CPTP: variants seen among roughly 807,000 people sequenced by gnomAD.
CPTP encodes the protein ceramide-1-phosphate transfer protein, also known as GLTP domain-containing protein 1.
CPTP carries 5 observed loss-of-function variants against 5.7 expected under a neutral mutation model. The observed-to-expected ratio is 0.88, with a 90% CI of 0.46 to 1.86. The LOEUF (loss-of-function observed/expected upper bound fraction) is 1.86. CPTP is among the 40% of genes most tolerant of loss of function. CPTP has a pLI of 0.01. For missense variants in CPTP, 335 were observed against 306.5 expected (o/e 1.09, Z -0.69); for synonymous variants, 166 against 142.7 (o/e 1.16, Z -1.16).
In CPTP at chr1:1,327,784, A is replaced by G. The variant is rs745441969; in HGVS notation, c.*21A>G. ...CCTAGGGGCGGGAAGCCAGGGCCGC[A>G]CCGGCTTTCCTGCTGCAGATCTGGG... On this transcript the variant is annotated 3_prime_UTR_variant, in exon 3 of 3. Transcript: ENST00000343938. The G allele has an allele frequency of 1.0e-5, 16 of 1,607,034 alleles. No individual in the cohort carries two copies. The highest frequency in any genetic ancestry group is 1.4e-5 in the Non-Finnish European group (16 of 1,179,096).
chr1:1,325,924 C>T (rs1394084397), intron 1 of CPTP, among the ~76,000 whole-genome samples: 2 of 152,196 alleles, frequency 1.3e-5, no homozygotes, highest in Non-Finnish European at 2.9e-5. Flanking sequence ...TCTTCCTGGT[C>T]GAGGTGGAAT....
chr1:1,324,869 A>C lies in CPTP; in HGVS notation c.-309A>C. The C allele has an allele frequency of 2.2e-6, 1 of 449,984 alleles. No homozygotes were observed. The highest frequency in any genetic ancestry group is 3.9e-6 in the Non-Finnish European group (1 of 254,736). 27.9% of individuals were successfully genotyped at this position (449,984 alleles called of 1,614,324 possible). A position where few individuals can be genotyped will look rare whatever the true frequency, so the allele number is the denominator to read the frequency against. On this transcript the variant is annotated 5_prime_UTR_variant, in exon 1 of 3. Coordinates refer to ENST00000343938, the MANE Select transcript of CPTP (RefSeq NM_001029885.2). ...TCGGCGGCCGCACCTGCCCAACCCA[A>C]CCCGCACGGTCCGGAAGTCGCCGAG... is the stretch of plus-strand genomic sequence containing the variant.
chr1:1,326,959 T>A lies in CPTP; in HGVS notation c.49T>A (p.Phe17Ile). The change falls in exon 2 of 3, where the codon TTC becomes ATC. Residue 17 changes from phenylalanine (F) to isoleucine (I), a missense_variant. Physicochemically the swap from Phe to Ile is conservative, Grantham distance 21. Transcript: ENST00000343938. ...CAATCTGAAAGTCGTCCTGGTCAGT[T>A]TCAAGCAGTGTCTCGATGAGAAGGA... ...GFNLKVVLVS[F>I]KQCLDEKEEV... is the part of the protein sequence containing the mutation. 6.2e-7 allele frequency: 1 copy of A among 1,613,774 alleles called. No individual in the cohort carries two copies.
At chr1:1,326,380 T>C (rs1643304877) in intron 1 of CPTP, among the ~76,000 whole-genome samples, 1 of 151,550 alleles carries the variant, frequency 6.6e-6, no homozygotes, top group South Asian at 2.1e-4. Flanking sequence ...GAACTTCCTG[T>C]CTTTGTTGTC....
chr1:1,327,892 C>T lies in CPTP; in HGVS notation c.*129C>T, dbSNP rs544970534. The T allele has an allele frequency of 1.1e-4, 119 of 1,079,696 alleles. No homozygotes were observed. The highest frequency in any genetic ancestry group is 1.5e-4 in the Non-Finnish European group (116 of 748,412). The allele number at this position is 1,079,696 out of a possible 1,614,324, so 66.9% of individuals were successfully genotyped here. A position where few individuals can be genotyped will look rare whatever the true frequency, so the allele number is the denominator to read the frequency against. The stretch of plus-strand genomic sequence containing the variant: ...GGAGATCCTCTGTCGCCCCTGTGAG[C>T]TGAGCTGGTTAGGAACCACAGACTG... On this transcript the variant is annotated 3_prime_UTR_variant, in exon 3 of 3. Coordinates refer to ENST00000343938, the MANE Select transcript of CPTP (RefSeq NM_001029885.2).
intron 1 of CPTP, among the ~76,000 whole-genome samples, chr1:1,325,752 G>A (rs1012533669): frequency 6.6e-5 from 10 of 152,064 alleles, no homozygotes; most frequent in African/African-American, 2.2e-4. Context: ...TAGTGATGAA[G>A]GGCCCAGTCC....
Position 1,327,969 on chromosome 1 carries a change from A to C in CPTP, c.*206A>C. On this transcript the variant is annotated 3_prime_UTR_variant, in exon 3 of 3. Coordinates refer to ENST00000343938, the MANE Select transcript of CPTP (RefSeq NM_001029885.2). ...GAAGAGGCCCACCCTCTCGGTCCGG[A>C]ACAAGACGCCTCGGCCACGGCTCCC... 1 of 631,392 alleles carries C rather than the reference A, an allele frequency of 1.6e-6. No individual in the cohort carries two copies. Among genetic ancestry groups the C allele is most frequent in the East Asian group, 2.7e-5 (1 of 36,424 alleles). The allele number at this position is 631,392 out of a possible 1,614,324, so 39.1% of individuals were successfully genotyped here. A position where few individuals can be genotyped will look rare whatever the true frequency, so the allele number is the denominator to read the frequency against.
rs778646627 is a variant in CPTP, at chr1:1,328,030, G to A, written c.*267G>A. Reference sequence around the variant, plus strand: ...TTACACGCGTGCGCAGCCAGGCCTCGCCAGGGTGCGGTGCAGAGCAGAGCA... The same window carrying A: ...TTACACGCGTGCGCAGCCAGGCCTCACCAGGGTGCGGTGCAGAGCAGAGCA... On this transcript the variant is annotated 3_prime_UTR_variant, in exon 3 of 3. Transcript: ENST00000343938. The A allele has an allele frequency of 2.9e-5, 16 of 552,690 alleles. No individual in the cohort carries two copies. The highest frequency in any genetic ancestry group is 4.2e-5 in the Non-Finnish European group (13 of 310,462). The allele number at this position is 552,690 out of a possible 1,614,324, so 34.2% of individuals were successfully genotyped here.
In CPTP at chr1:1,327,784, A is replaced by C; in HGVS notation, c.*21A>C. On this transcript the variant is annotated 3_prime_UTR_variant, in exon 3 of 3. Coordinates refer to ENST00000343938, the MANE Select transcript of CPTP (RefSeq NM_001029885.2). ...CCTAGGGGCGGGAAGCCAGGGCCGC[A>C]CCGGCTTTCCTGCTGCAGATCTGGG... The C allele has an allele frequency of 1.9e-6, 3 of 1,607,152 alleles. No individual in the cohort carries two copies. Among genetic ancestry groups the C allele is most frequent in the Non-Finnish European group, 2.5e-6 (3 of 1,179,088 alleles).
chr1:1,326,115 TC>T (rs1255157286), intron 1 of CPTP, among the ~76,000 whole-genome samples: 1 of 152,194 alleles, frequency 6.6e-6, no homozygotes, highest in Non-Finnish European at 1.5e-5. Context: ...CGTGGAAGGC[TC>T]CCTAGGGCTA....
intron 2 of CPTP, 35 bp downstream of exon 2, chr1:1,327,067 C>A: frequency 1.2e-6 from 2 of 1,610,294 alleles, no homozygotes; most frequent in Non-Finnish European, 1.7e-6. Context: ...GAGGTGGGCG[C>A]TCCCCTGGCC....
At position 1,327,736 on chromosome 1, in the gene CPTP, C is replaced by T. The variant is rs763443213; in HGVS notation, c.618C>T (p.Ala206=). 1.8e-5 allele frequency: 29 copies of T among 1,612,298 alleles called. No homozygotes were observed. The highest frequency in any genetic ancestry group is 6.7e-5 in the African/African-American group (5 of 74,954). Residue 206 remains alanine, a synonymous_variant, in exon 3 of 3, where the codon GCC becomes GCT. Coordinates refer to ENST00000343938, the MANE Select transcript of CPTP (RefSeq NM_001029885.2). ...ACAACGTCTCCCAGAAGCTCTACGC[C>T]GAGCACTCCCTGCTGGACCTGCCCT... ...RVYNVSQKLY[A]EHSLLDLP is the part of the protein sequence containing the mutation.
Position 1,327,532 on chromosome 1 carries a change from C to T in CPTP, c.414C>T (p.Cys138=), listed in dbSNP as rs779066919. The change falls in exon 3 of 3, where the codon TGC becomes TGT. Residue 138 remains cysteine, a synonymous_variant. Transcript: ENST00000343938. ...SPEDARTSAL[C]ADSYNASLAA... ...AGGACGCACGCACCTCCGCGCTCTG[C>T]GCCGACTCCTACAACGCCTCGCTGG... The T allele has an allele frequency of 2.3e-5, 36 of 1,584,236 alleles. No homozygotes were observed. The highest frequency in any genetic ancestry group is 3.0e-5 in the Non-Finnish European group (35 of 1,167,674).
rs769624517 is a variant in CPTP, at chr1:1,327,545, A to G, written c.427A>G (p.Asn143Asp). 1.9e-6 allele frequency: 3 copies of G among 1,592,592 alleles called. No individual in the cohort carries two copies. The highest frequency in any genetic ancestry group is 2.6e-6 in the Non-Finnish European group (3 of 1,171,114). Reference protein sequence around the residue: ...RTSALCADSYNASLAAYHPWV... With the variant: ...RTSALCADSYDASLAAYHPWV... ...CTCCGCGCTCTGCGCCGACTCCTAC[A>G]ACGCCTCGCTGGCCGCCTACCACCC... Residue 143 changes from asparagine (N) to aspartate (D), a missense_variant, in exon 3 of 3, where the codon AAC becomes GAC. Coordinates refer to ENST00000343938, the MANE Select transcript of CPTP (RefSeq NM_001029885.2).
At position 1,327,027 on chromosome 1, in the gene CPTP, G is replaced by C. The variant is rs1478841403; in HGVS notation, c.117G>C (p.Leu39=). Residue 39 remains leucine, a synonymous_variant, in exon 2 of 3, where the codon CTG becomes CTC. Transcript: ENST00000343938. ...CCTACATTGCCAGCTGGAAGGGCCT[G>C]GTCAGGTGCGTGTGCCAGGGCTGCC... ...LDPYIASWKG[L]VRFLNSLGTI... is the part of the protein sequence containing the mutation. 1 of 1,613,140 alleles carries C rather than the reference G, an allele frequency of 6.2e-7. No homozygotes were observed.
At chr1:1,326,472 G>A (rs546010176) in intron 1 of CPTP, among the ~76,000 whole-genome samples, 2 of 152,320 alleles carry the variant, frequency 1.3e-5, no homozygotes, top group African/African-American at 2.4e-5. Flanking sequence ...TCTCGGCAGG[G>A]GCTTAGTATT....
Position 1,328,015 on chromosome 1 carries a change from G to A in CPTP, c.*252G>A, listed in dbSNP as rs1450544221. ...CTCCCCCTCGGCCTATTACACGCGT[G>A]CGCAGCCAGGCCTCGCCAGGGTGCG... On this transcript the variant is annotated 3_prime_UTR_variant, in exon 3 of 3. Coordinates refer to ENST00000343938, the MANE Select transcript of CPTP (RefSeq NM_001029885.2). The A allele has an allele frequency of 3.5e-6, 2 of 570,966 alleles. No individual in the cohort carries two copies. Among genetic ancestry groups the A allele is most frequent in the Admixed American group, 6.4e-5 (2 of 31,404 alleles). The allele number at this position is 570,966 out of a possible 1,614,324, so 35.4% of individuals were successfully genotyped here. A position where few individuals can be genotyped will look rare whatever the true frequency, so the allele number is the denominator to read the frequency against.
rs200576583 is a variant in CPTP at position 1,326,968 on chromosome 1, T to C, written c.58T>C (p.Cys20Arg). The C allele has an allele frequency of 3.2e-5, 52 of 1,613,780 alleles. No homozygotes were observed. In the Admixed American group the frequency reaches 7.2e-4, roughly 22 times the overall value. The change falls in exon 2 of 3, where the codon TGT (cysteine) becomes CGT (arginine). Residue 20 changes from cysteine (C) to arginine (R), a missense_variant. Cys to Arg is a radical substitution (Grantham distance 180, BLOSUM62 -3). Transcript: ENST00000343938. ...LKVVLVSFKQ[C>R]LDEKEEVLLD... is the part of the protein sequence containing the mutation. ...AGTCGTCCTGGTCAGTTTCAAGCAG[T>C]GTCTCGATGAGAAGGAAGAGGTCTT...
At chr1:1,326,508 G>A (rs1482687782) in intron 1 of CPTP, among the ~76,000 whole-genome samples, 1 of 152,198 alleles carries the variant, frequency 6.6e-6, no homozygotes, top group Non-Finnish European at 1.5e-5. Flanking sequence ...AGCAGATACA[G>A]CATCTAGAGA....
Sources: allele counts gnomAD v4.1 joint callset (sites outside exome capture counted in the v4.1 genomes callset), GRCh38; gene constraint gnomAD v4.1.1; transcripts MANE v1.5; gene names NCBI Gene and HGNC (gene_info 2026-07-23, HGNC 2026-07-21).